Variants in RPS6KC1 observed in about 807,000 individuals in gnomAD.
RPS6KC1 encodes inactive ribosomal protein S6 kinase delta-1.
RPS6KC1 carries 54 observed loss-of-function variants against 103.8 expected under a neutral mutation model. The observed-to-expected ratio is 0.52, with a 90% confidence interval of 0.42 to 0.65. The LOEUF (loss-of-function observed/expected upper bound fraction) is 0.65. RPS6KC1 is among the 30% of genes least tolerant of loss of function. The probability of loss-of-function intolerance (pLI) is 0.00; values close to 1 mark genes in which losing one functional copy is unlikely to be tolerated. For synonymous variants in RPS6KC1, 439 were observed against 438.7 expected (o/e 1.00, Z -0.01); for missense variants, 1,151 against 1,253.8 (o/e 0.92, Z 1.24).
At chr1:213,520,360 G>T in the RPS6KC1 span, among the ~76,000 whole-genome samples, 2 of 152,112 alleles carry the variant, frequency 1.3e-5, no homozygotes, top group Non-Finnish European at 2.9e-5. Flanking sequence ...GATCTCATGA[G>T]ACTTATTCAC....
chr1:213,774,981 G>T, the RPS6KC1 span, among the ~76,000 whole-genome samples: 2 of 152,198 alleles, frequency 1.3e-5, no homozygotes, highest in Admixed American at 6.5e-5. Flanking sequence ...ACAAAGGAGG[G>T]CCAGGGGAGG....
chr1:213,649,514 C>G, the RPS6KC1 span, among the ~76,000 whole-genome samples: 7 of 152,106 alleles, frequency 4.6e-5, no homozygotes, highest in African/African-American at 1.7e-4. Flanking sequence ...TTGTTCCCTG[C>G]TCTCCCTTTC....
the RPS6KC1 span, among the ~76,000 whole-genome samples, chr1:213,668,335 A>C: frequency 6.6e-6 from 1 of 152,094 alleles, no homozygotes; most frequent in African/African-American, 2.4e-5. Context: ...TATCTCCATC[A>C]GCTTTCCGGT....
At chr1:213,113,414 T>C (rs1160630711) in intron 4 of RPS6KC1, among the ~76,000 whole-genome samples, 1 of 151,414 alleles carries the variant, frequency 6.6e-6, no homozygotes, top group African/African-American at 2.4e-5. Flanking sequence ...GGGGTTGTTT[T>C]TTTCTTGTAA....
intron 8 of RPS6KC1, among the ~76,000 whole-genome samples, chr1:213,202,229 G>A (rs1483715575): frequency 6.6e-6 from 1 of 151,894 alleles, no homozygotes; most frequent in Non-Finnish European, 1.5e-5. Context: ...TCAACTTACT[G>A]TATTACAGTA....
the RPS6KC1 span, among the ~76,000 whole-genome samples, chr1:213,628,912 C>T: frequency 3.3e-5 from 5 of 152,144 alleles, no homozygotes; most frequent in Non-Finnish European, 7.4e-5. Flanking sequence ...TTTCTTAACC[C>T]TGAGTTCTGG....
chr1:213,169,455 C>T (rs2091285539), intron 7 of RPS6KC1, among the ~76,000 whole-genome samples: 1 of 152,164 alleles, frequency 6.6e-6, no homozygotes, highest in Admixed American at 6.5e-5. Flanking sequence ...ATTACTGCGA[C>T]TCTTTTAGTC....
chr1:213,334,759 G>A, the RPS6KC1 span, among the ~76,000 whole-genome samples: 2 of 152,158 alleles, frequency 1.3e-5, no homozygotes, highest in African/African-American at 2.4e-5. Flanking sequence ...TATGGGAGAT[G>A]TATATCTCTC....
the RPS6KC1 span, among the ~76,000 whole-genome samples, chr1:213,567,396 T>C: frequency 4.9e-4 from 74 of 152,334 alleles, no homozygotes; most frequent in South Asian, 6.8e-3. Context: ...CCCGACTCCA[T>C]GTGGACACTT....
At chr1:213,215,052 A>T (rs1163939658) in intron 8 of RPS6KC1, among the ~76,000 whole-genome samples, 1 of 152,186 alleles carries the variant, frequency 6.6e-6, no homozygotes, top group African/African-American at 2.4e-5. Flanking sequence ...AGTTGAGAGA[A>T]GAAGGCTTCA....
At chr1:213,200,920 G>A (rs367569354) in intron 8 of RPS6KC1, among the ~76,000 whole-genome samples, 7 of 152,258 alleles carry the variant, frequency 4.6e-5, no homozygotes, top group African/African-American at 1.4e-4. Context: ...GCTAAATGAT[G>A]AGAACACTCA....
intron 8 of RPS6KC1, among the ~76,000 whole-genome samples, chr1:213,178,232 T>C (rs1246043312): frequency 7.5e-6 from 1 of 134,040 alleles, no homozygotes; most frequent in African/African-American, 2.9e-5. Flanking sequence ...TAAATAAATA[T>C]CAAGTCTTTA....
the RPS6KC1 span, among the ~76,000 whole-genome samples, chr1:213,563,525 ACT>A: frequency 1.3e-5 from 2 of 151,816 alleles, no homozygotes; most frequent in African/African-American, 2.4e-5. Flanking sequence ...TTTTTCTTTT[ACT>A]CTTCATTCCC....
the RPS6KC1 span, among the ~76,000 whole-genome samples, chr1:213,722,766 G>A: frequency 6.6e-6 from 1 of 152,180 alleles, no homozygotes; most frequent in African/African-American, 2.4e-5. Context: ...GTGGGACTCC[G>A]CAGAGGAGTC....
At chr1:213,285,575 A>T in the RPS6KC1 span, among the ~76,000 whole-genome samples, 1 of 152,198 alleles carries the variant, frequency 6.6e-6, no homozygotes, top group African/African-American at 2.4e-5. Context: ...TGACCATGTA[A>T]TAGAACTGCT....
chr1:213,524,867 C>T, the RPS6KC1 span, among the ~76,000 whole-genome samples: 1 of 152,198 alleles, frequency 6.6e-6, no homozygotes, highest in Admixed American at 6.5e-5. Context: ...GAGCTAACAA[C>T]CCCCACTTTG....
intron 7 of RPS6KC1, among the ~76,000 whole-genome samples, chr1:213,174,238 A>C (rs2091693094): frequency 6.6e-6 from 1 of 152,238 alleles, no homozygotes; most frequent in Non-Finnish European, 1.5e-5. Context: ...TCCTGACCAC[A>C]GACAAACACT....
chr1:213,655,748 T>G, the RPS6KC1 span, among the ~76,000 whole-genome samples: 2 of 152,174 alleles, frequency 1.3e-5, no homozygotes, highest in Non-Finnish European at 2.9e-5. Context: ...AATAAAAATA[T>G]ATATATACTG....
At chr1:213,262,670 C>G (rs1202177271) in intron 13 of RPS6KC1, 51 bp from the exon 14 acceptor site, 4 of 1,183,608 alleles carry the variant, frequency 3.4e-6, no homozygotes, top group Middle Eastern at 1.9e-4. Flanking sequence ...TATGATAGAA[C>G]AAAATATGAT....
Sources: gnomAD v4.1 joint callset for allele counts (sites outside exome capture counted in the v4.1 genomes callset) on GRCh38, gnomAD v4.1.1 for gene constraint, MANE v1.5 for transcripts, NCBI Gene and HGNC (gene_info 2026-07-23, HGNC 2026-07-21) for gene names.